The following ERCC6 variants were observed in gnomAD, a reference collection of about 807,000 sequenced individuals.
ERCC6 encodes the protein DNA excision repair protein ERCC-6.
ERCC6 carries 116 observed loss-of-function variants against 158.7 expected under a neutral mutation model. The observed-to-expected ratio is 0.73, with a 90% CI of 0.63 to 0.85. The LOEUF is 0.85. Among genes scored for constraint, ERCC6 ranks in the 40% least tolerant of loss-of-function variants. ERCC6 has a pLI of 0.00. For missense variants in ERCC6, 1,698 were observed against 1,799.4 expected (o/e 0.94, Z 1.02); for synonymous variants, 678 against 659.3 (o/e 1.03, Z -0.43).
At chr10:49,534,161 A>C (rs553636776) in intron 1 of ERCC6, among the ~76,000 whole-genome samples, 3 of 151,846 alleles carry the variant, frequency 2.0e-5, no homozygotes, top group South Asian at 2.1e-4. Context: ...AAAACAAAAA[A>C]AAAACTCCAT....
At chr10:49,536,919 G>C (rs1342562481) in intron 1 of ERCC6, among the ~76,000 whole-genome samples, 2 of 152,194 alleles carry the variant, frequency 1.3e-5, no homozygotes, top group African/African-American at 4.8e-5. Context: ...AAAAACAGAA[G>C]GGGCCTGGAA....
chr10:49,517,040 T>C (rs1414644910), intron 5 of ERCC6: 2 of 1,613,760 alleles, frequency 1.2e-6, no homozygotes, highest in Non-Finnish European at 1.7e-6. Context: ...GTTGTATCAC[T>C]ATAGCACTTG....
intron 8 of ERCC6, among the ~76,000 whole-genome samples, chr10:49,485,843 C>T (rs1262040066): frequency 2.0e-5 from 3 of 152,150 alleles, no homozygotes; most frequent in Non-Finnish European, 4.4e-5. Context: ...AGGTTTCAAA[C>T]TAAACCTAGT....
chr10:49,521,460 A>G (rs145272593), intron 5 of ERCC6, among the ~76,000 whole-genome samples: 63 of 152,372 alleles, frequency 4.1e-4, no homozygotes, highest in Non-Finnish European at 4.0e-4. Flanking sequence ...GCAAAGCAGT[A>G]GTATATTTTA....
chr10:49,488,914 G>C (rs909578141), intron 8 of ERCC6, among the ~76,000 whole-genome samples: 6 of 152,226 alleles, frequency 3.9e-5, no homozygotes, highest in African/African-American at 1.4e-4. Context: ...CTCCCGAGTA[G>C]CTGGGACTAC....
At chr10:49,461,302 G>T in intron 19 of ERCC6, 50 bp downstream of exon 19, 1 of 1,558,718 alleles carries the variant, frequency 6.4e-7, no homozygotes, top group Non-Finnish European at 8.8e-7. Flanking sequence ...TTTATTTCTA[G>T]CCTTAGTTGT....
Position 49,460,416 on chromosome 10 carries a change from G to T in ERCC6, c.4019C>A (p.Ser1340Tyr). The T allele has an allele frequency of 6.2e-7, 1 of 1,613,676 alleles. No individual in the cohort carries two copies. The highest frequency in any genetic ancestry group is 8.5e-7 in the Non-Finnish European group (1 of 1,179,570). The change falls in exon 20 of 21, where the codon TCT becomes TAT. Residue 1340 changes from serine (S) to tyrosine (Y), a missense_variant. Transcript: ENST00000355832. ...AGATGTTGATGAAGGATGCTGCACA[G>T]AGAAGTTAGAATTCCTTTTCTTACC... ...RFGKKRNSNF[S>Y]VQHPSSTSPT...
chr10:49,511,427 C>CT (rs66834567), intron 5 of ERCC6, among the ~76,000 whole-genome samples: 25 of 133,418 alleles, frequency 1.9e-4, no homozygotes, highest in African/African-American at 3.3e-4. Flanking sequence ...TTCTTTTTTA[C>CT]TTTTTTTTTT....
chr10:49,509,638 C>G (rs748294679), intron 5 of ERCC6, among the ~76,000 whole-genome samples: 2 of 152,052 alleles, frequency 1.3e-5, no homozygotes, highest in African/African-American at 2.4e-5. Flanking sequence ...AAAATAGATA[C>G]AGATTGACTT....
chr10:49,534,133 C>CAAAAAAAAAA lies in ERCC6; in HGVS notation c.-14-1165_-14-1156dup, dbSNP rs746772551. Among the ~76,000 whole-genome samples the CAAAAAAAAAA allele has an allele frequency of 2.1e-3, 125 of 60,250 alleles. 1 individual carries two copies. Among genetic ancestry groups the CAAAAAAAAAA allele is most frequent in the African/African-American group, 3.8e-3 (54 of 14,190 alleles). The allele number at this position is 60,250 out of a possible 152,430, so 39.5% of individuals were successfully genotyped here. On this transcript the variant is annotated intron_variant, in intron 1 of 20. Transcript: ENST00000355832. ...TAGGCAACAGAGTGAGACTCAATCTCAAAAAAAAAAAAAAAAAAAAACAAA... is the reference window on the plus strand; with the variant it reads ...TAGGCAACAGAGTGAGACTCAATCTCAAAAAAAAAAAAAAAAAAAAAAAAAAAAAAACAAA...
chr10:49,506,398 TGTAA>T (rs1851443732), intron 5 of ERCC6: 1 of 124,824 alleles, frequency 8.0e-6, no homozygotes, highest in African/African-American at 3.9e-5. Context: ...CGCAATACTA[TGTAA>T]CAAAAAATAG....
intron 5 of ERCC6, 31 bp downstream of exon 5, chr10:49,523,991 AAAGCAAACAGT>A (rs1837242043): frequency 6.2e-7 from 1 of 1,608,932 alleles, no homozygotes; most frequent in Non-Finnish European, 8.5e-7. Flanking sequence ...CACCTAAGAT[AAAGCAAACAGT>A]ACAATGTATT....
chr10:49,505,967 C>CT lies in ERCC6; in HGVS notation c.1442dup (p.Leu482AlafsTer6), dbSNP rs777446958. The CT allele has an allele frequency of 1.9e-6, 3 of 1,613,310 alleles. No homozygotes were observed. The African/African-American group carries it at 4.0e-5, about 22-fold the overall frequency. ...CACTTTCCTCAGAATCGTCCTCCAGCTTCAGACGTTTCTCTTTGTCCTGCA... is the reference window on the plus strand; with the variant it reads ...CACTTTCCTCAGAATCGTCCTCCAGCTTTCAGACGTTTCTCTTTGTCCTGCA... On this transcript the variant is annotated frameshift_variant, in exon 6 of 21. Transcript: ENST00000355832. LOFTEE classifies it high-confidence loss of function.
the ERCC6 span, among the ~76,000 whole-genome samples, chr10:49,441,624 G>A: frequency 2.0e-5 from 3 of 152,108 alleles, no homozygotes; most frequent in East Asian, 5.8e-4. Context: ...CCCAGCCGCC[G>A]GCGTCTCCGC....
At chr10:49,511,941 A>T (rs915032896) in intron 5 of ERCC6, among the ~76,000 whole-genome samples, 8 of 152,228 alleles carry the variant, frequency 5.3e-5, no homozygotes, top group Non-Finnish European at 7.3e-5. Context: ...TCCACCACAA[A>T]ATGAGCCAAA....
At chr10:49,492,742 A>C (rs976749844) in intron 8 of ERCC6, among the ~76,000 whole-genome samples, 3 of 152,266 alleles carry the variant, frequency 2.0e-5, no homozygotes, top group Non-Finnish European at 2.9e-5. Context: ...TTGTTATTTT[A>C]CTTCTGTATC....
chr10:49,458,670 A>G lies in ERCC6; in HGVS notation c.*145T>C, dbSNP rs1850522544. ...TTCAGAGAAGAGTTTCTTCTTCCTT[A>G]AAGTTTTAATTCTGAGGTAGACATC... is the stretch of plus-strand genomic sequence containing the variant. On this transcript the variant is annotated 3_prime_UTR_variant, in exon 21 of 21. Coordinates refer to ENST00000355832, the MANE Select transcript of ERCC6 (RefSeq NM_000124.4). 1.3e-6 allele frequency: 1 copy of G among 772,956 alleles called. No individual in the cohort carries two copies. The highest frequency in any genetic ancestry group is 2.5e-5 in the Admixed American group (1 of 39,970). 47.9% of individuals were successfully genotyped at this position (772,956 alleles called of 1,614,324 possible). A position where few individuals can be genotyped will look rare whatever the true frequency, so the allele number is the denominator to read the frequency against.
intron 2 of ERCC6, 75 bp downstream of exon 2, chr10:49,532,467 TA>T: frequency 6.3e-7 from 1 of 1,599,580 alleles, no homozygotes; most frequent in Non-Finnish European, 8.5e-7. Flanking sequence ...TCTGGAATAC[TA>T]GAGCTTTCCA....
intron 2 of ERCC6, 44 bp downstream of exon 2, chr10:49,532,499 T>C: frequency 6.2e-7 from 1 of 1,609,342 alleles, no homozygotes; most frequent in African/African-American, 1.3e-5. Context: ...ATCCCTGTCA[T>C]GTTTTACCAC....
Sources: gnomAD v4.1 joint callset for allele counts (sites outside exome capture counted in the v4.1 genomes callset) on GRCh38, gnomAD v4.1.1 for gene constraint, MANE v1.5 for transcripts, NCBI Gene and HGNC (gene_info 2026-07-23, HGNC 2026-07-21) for gene names.